CTRB1: variants seen among roughly 807,000 people sequenced by gnomAD.
The protein encoded by CTRB1 is chymotrypsinogen B.
CTRB1 carries 15 observed loss-of-function variants against 20.4 expected under a neutral mutation model. The ratio of observed to expected loss-of-function variants is 0.74; its 90% CI spans 0.49 to 1.13. The LOEUF (loss-of-function observed/expected upper bound fraction) is 1.13. CTRB1 is among the 50% of genes most tolerant of loss of function. The pLI, the probability that CTRB1 is intolerant of heterozygous loss-of-function variation, is 0.00. For missense variants in CTRB1, 227 were observed against 290.1 expected, an observed-to-expected ratio of 0.78 and a Z score of 1.58; for synonymous variants, 92 against 128.4, an observed-to-expected ratio of 0.72 and a Z score of 1.92.
intron 1 of CTRB1, among the ~76,000 whole-genome samples, chr16:75,222,224 G>GCC (rs369994461): frequency 1.3e-5 from 2 of 151,520 alleles, no homozygotes; most frequent in African/African-American, 4.8e-5. Context: ...AATTCAACCT[G>GCC]CCCACCCAGG....
intron 1 of CTRB1, among the ~76,000 whole-genome samples, chr16:75,221,878 C>T (rs192438561): frequency 0.011 from 1,619 of 151,184 alleles, 22 homozygotes; most frequent in African/African-American, 0.036. Context: ...CTGGCTAACA[C>T]GGTGAAACCC....
intron 1 of CTRB1, among the ~76,000 whole-genome samples, chr16:75,222,351 G>T (rs1040358997): frequency 2.6e-5 from 4 of 152,088 alleles, no homozygotes; most frequent in Non-Finnish European, 5.9e-5. Flanking sequence ...TCTAACAAAG[G>T]CACGTGGGCC....
chr16:75,220,613 T>A (rs2039069989), intron 1 of CTRB1, among the ~76,000 whole-genome samples: 1 of 152,190 alleles, frequency 6.6e-6, no homozygotes, highest in Non-Finnish European at 1.5e-5. Context: ...TAATACTCCA[T>A]TCTACCTCCA....
chr16:75,222,536 A>G, intron 1 of CTRB1: 1 of 571,552 alleles, frequency 1.7e-6, no homozygotes, highest in Non-Finnish European at 3.1e-6. Context: ...GGCCCCAGGT[A>G]GGAGGAGACA....
At position 75,223,541 on chromosome 16, in the gene CTRB1, TCCGCC is replaced by T; in HGVS notation, c.410_414del (p.Ser137CysfsTer33). On this transcript the variant is annotated frameshift_variant, in exon 5 of 7. Coordinates refer to ENST00000361017, the MANE Select transcript of CTRB1 (RefSeq NM_001906.6). LOFTEE classifies it high-confidence loss of function. ...ACCTGCCCGCTTCTCCCAGACAGTG[TCCGCC>T]GTGTGCCTGCCCAGCGCCGACGACG... 1 of 666,732 alleles carries T rather than the reference TCCGCC, an allele frequency of 1.5e-6. No homozygotes were observed. Among genetic ancestry groups the T allele is most frequent in the East Asian group, 3.0e-5 (1 of 33,146 alleles). 41.3% of individuals were successfully genotyped at this position (666,732 alleles called of 1,614,324 possible).
intron 1 of CTRB1, 122 bp from the exon 2 acceptor site, chr16:75,222,646 G>A (rs1055097286): frequency 6.4e-6 from 7 of 1,092,478 alleles, no homozygotes. Flanking sequence ...GAGGCGGCAT[G>A]TGCCAGGGAG....
In CTRB1 at chr16:75,224,720, C is replaced by A; in HGVS notation, c.646C>A (p.Pro216Thr). 2 of 1,612,058 alleles carry A rather than the reference C, an allele frequency of 1.2e-6. No homozygotes were observed. Among genetic ancestry groups the A allele is most frequent in the Non-Finnish European group, 1.7e-6 (2 of 1,179,402 alleles). ...TCTCCCACAGGGCGACTCTGGCGGCCCCCTGGTCTGCCAAAAGGATGGAGC... is the reference window on the plus strand; with the variant it reads ...TCTCCCACAGGGCGACTCTGGCGGCACCCTGGTCTGCCAAAAGGATGGAGC... ...VSSCMGDSGG[P>T]LVCQKDGAWT... Residue 216 changes from proline to threonine, a missense_variant, in exon 7 of 7, where the codon CCC becomes ACC. By Grantham distance (38) the Pro-to-Thr change is conservative. This residue lies in a region of CTRB1 where 108 missense variants were observed against 76.9 expected (regional missense o/e 1.41). Transcript: ENST00000361017.
At chr16:75,220,401 C>T (rs1047851527) in intron 1 of CTRB1, among the ~76,000 whole-genome samples, 1 of 152,184 alleles carries the variant, frequency 6.6e-6, no homozygotes, top group African/African-American at 2.4e-5. Context: ...TCAGGCTGGT[C>T]TTGAACTCCT....
intron 1 of CTRB1, among the ~76,000 whole-genome samples, chr16:75,219,884 A>G (rs549395035): frequency 6.6e-6 from 1 of 152,340 alleles, no homozygotes; most frequent in South Asian, 2.1e-4. Flanking sequence ...TCTATGAATA[A>G]TTGCAGTGTG....
chr16:75,224,853 T>C lies in CTRB1; in HGVS notation c.779T>C (p.Leu260Pro). The change falls in exon 7 of 7, where the codon CTG (leucine) becomes CCG (proline). Residue 260 changes from leucine (L) to proline (P), a missense_variant. Physicochemically the swap from Leu to Pro is moderately conservative, Grantham distance 98. This residue lies in a region of CTRB1 where 108 missense variants were observed against 76.9 expected (regional missense o/e 1.41). Coordinates refer to ENST00000361017, the MANE Select transcript of CTRB1 (RefSeq NM_001906.6). ...CTCATACCTTGGGTGCAGAAGATCC[T>C]GGCTGCCAACTGAGCCCGCGGCTCC... Reference protein sequence around the residue: ...TKLIPWVQKILAAN With the variant: ...TKLIPWVQKIPAAN The C allele has an allele frequency of 6.2e-7, 1 of 1,613,894 alleles. No homozygotes were observed. The highest frequency in any genetic ancestry group is 8.5e-7 in the Non-Finnish European group (1 of 1,180,028).
chr16:75,221,764 G>A (rs1471169076), intron 1 of CTRB1, among the ~76,000 whole-genome samples: 1 of 151,612 alleles, frequency 6.6e-6, no homozygotes, highest in Non-Finnish European at 1.5e-5. Context: ...CTTCAGCCCG[G>A]GAATTTGAGG....
rs1332819825 is a variant in CTRB1 at position 75,224,576 on chromosome 16, G to GC, written c.631-128dup. The stretch of plus-strand genomic sequence containing the variant: ...GCTACTAGGGTCTTTCATAACCCAC[G>GC]CAACAGCACATGCTGAGCCTTTGCT... On this transcript the variant is annotated intron_variant, in intron 6 of 6. Coordinates refer to ENST00000361017, the MANE Select transcript of CTRB1 (RefSeq NM_001906.6). The GC allele has an allele frequency of 7.1e-6, 8 of 1,123,472 alleles. No individual in the cohort carries two copies. In the African/African-American group the frequency reaches 1.3e-4, roughly 18 times the overall value. 69.6% of individuals were successfully genotyped at this position (1,123,472 alleles called of 1,614,324 possible).
intron 6 of CTRB1, 92 bp downstream of exon 6, chr16:75,224,280 C>T: frequency 6.5e-7 from 1 of 1,546,604 alleles, no homozygotes; most frequent in Non-Finnish European, 8.7e-7. Context: ...TCTACTAACC[C>T]CACTCCTTCC....
intron 1 of CTRB1, among the ~76,000 whole-genome samples, chr16:75,220,537 C>G (rs9319480): frequency 0.24 from 36,553 of 152,004 alleles, 4,961 homozygotes; most frequent in African/African-American, 0.36. Context: ...CTCGAGTGAT[C>G]TGCTCACCTC....
Position 75,222,792 on chromosome 16 carries a change from C to T in CTRB1, c.77C>T (p.Pro26Leu). ...GGCTGCGGGGTCCCCGCCATCCACC[C>T]TGTGCTCAGCGGCCTGTCCAGGATC... is the stretch of plus-strand genomic sequence containing the variant. Reference protein sequence around the residue: ...AFGCGVPAIHPVLSGLSRIVN... With the variant: ...AFGCGVPAIHLVLSGLSRIVN... Residue 26 changes from proline to leucine, a missense_variant, in exon 2 of 7, where the codon CCT (proline) becomes CTT (leucine). Physicochemically the swap from Pro to Leu is moderately conservative, Grantham distance 98. Around this residue, in one of 4 missense-constraint regions of CTRB1, gnomAD observed 71 missense variants for 69.1 expected, o/e 1.03. Transcript: ENST00000361017. 6.4e-7 allele frequency: 1 copy of T among 1,555,030 alleles called. No homozygotes were observed. Among genetic ancestry groups the T allele is most frequent in the Non-Finnish European group, 8.7e-7 (1 of 1,148,620 alleles).
chr16:75,221,840 A>T (rs935790019), intron 1 of CTRB1, among the ~76,000 whole-genome samples: 1 of 151,602 alleles, frequency 6.6e-6, no homozygotes, highest in Non-Finnish European at 1.5e-5. Flanking sequence ...AGGCGGGTGG[A>T]TCACAAGGTC....
chr16:75,222,599 A>G (rs1417715149), intron 1 of CTRB1, 169 bp from the exon 2 acceptor site: 2 of 682,394 alleles, frequency 2.9e-6, no homozygotes, highest in Non-Finnish European at 2.4e-6. Context: ...GAGAGTTGGG[A>G]ACGTTTGAGC....
At chr16:75,222,130 C>T (rs1329517808) in intron 1 of CTRB1, among the ~76,000 whole-genome samples, 5 of 149,742 alleles carry the variant, frequency 3.3e-5, no homozygotes, top group African/African-American at 1.2e-4. Context: ...CACGGCACTC[C>T]AGCCAGGGTG....
chr16:75,219,780 C>A (rs1479071177), intron 1 of CTRB1, among the ~76,000 whole-genome samples: 1 of 152,166 alleles, frequency 6.6e-6, no homozygotes, highest in East Asian at 1.9e-4. Context: ...AATCTTTTTG[C>A]ACATTTGCTT....
Sources: allele counts gnomAD v4.1 joint callset (sites outside exome capture counted in the v4.1 genomes callset), GRCh38; gene constraint gnomAD v4.1.1; regional missense constraint gnomAD v4.1.1; transcripts MANE v1.5; gene names NCBI Gene and HGNC (gene_info 2026-07-23, HGNC 2026-07-21).